Variants in SCHIP1 observed in about 807,000 individuals in gnomAD.
The protein encoded by SCHIP1 is schwannomin interacting protein 1.
In SCHIP1, 8 loss-of-function variants were observed where a neutral mutation model predicts 29.7. The observed-to-expected ratio is 0.27, with a 90% CI of 0.16 to 0.49. SCHIP1 has a LOEUF of 0.49. Among genes scored for constraint, SCHIP1 ranks in the 20% least tolerant of loss-of-function variants. The pLI, the probability that SCHIP1 is intolerant of heterozygous loss-of-function variation, is 0.99. For synonymous variants in SCHIP1, 76 were observed against 94.9 expected, an observed-to-expected ratio of 0.80 and a Z score of 1.16; for missense variants, 193 against 294.6, an observed-to-expected ratio of 0.66 and a Z score of 2.52.
chr3:159,813,952 A>G, the SCHIP1 span, among the ~76,000 whole-genome samples: 1 of 152,168 alleles, frequency 6.6e-6, no homozygotes, highest in African/African-American at 2.4e-5. Context: ...TCCAGACCTG[A>G]GAGTTGAGTG....
the SCHIP1 span, among the ~76,000 whole-genome samples, chr3:159,339,662 G>A: frequency 6.6e-6 from 1 of 152,092 alleles, no homozygotes; most frequent in Non-Finnish European, 1.5e-5. Flanking sequence ...TTAAGTCCAT[G>A]GTATTCAAAA....
chr3:159,521,548 G>A, the SCHIP1 span, among the ~76,000 whole-genome samples: 2 of 152,334 alleles, frequency 1.3e-5, no homozygotes, highest in Middle Eastern at 3.4e-3. Context: ...GTGATCATAT[G>A]TTTCACCCAG....
At chr3:159,474,804 C>T in the SCHIP1 span, among the ~76,000 whole-genome samples, 1 of 152,112 alleles carries the variant, frequency 6.6e-6, no homozygotes, top group East Asian at 1.9e-4. Context: ...TAGTCAGAGA[C>T]CTCCAGTGCA....
chr3:159,654,865 A>G, the SCHIP1 span, among the ~76,000 whole-genome samples: 1 of 151,962 alleles, frequency 6.6e-6, no homozygotes, highest in Non-Finnish European at 1.5e-5. Flanking sequence ...ACACATTCAA[A>G]GTGACATACT....
At chr3:159,824,704 A>G in the SCHIP1 span, among the ~76,000 whole-genome samples, 1 of 152,234 alleles carries the variant, frequency 6.6e-6, no homozygotes, top group Non-Finnish European at 1.5e-5. Flanking sequence ...GTAATATAAA[A>G]CAGCAAATAT....
chr3:159,592,899 G>A, the SCHIP1 span, among the ~76,000 whole-genome samples: 2 of 152,124 alleles, frequency 1.3e-5, no homozygotes, highest in African/African-American at 2.4e-5. Flanking sequence ...CAGAGTGGAA[G>A]ATCTTGCCTA....
chr3:159,540,336 T>G, the SCHIP1 span, among the ~76,000 whole-genome samples: 1 of 152,068 alleles, frequency 6.6e-6, no homozygotes, highest in Admixed American at 6.6e-5. Flanking sequence ...GGCTATTTAG[T>G]GCACTTCTCC....
At chr3:159,713,224 GAAAGAAAGGAAGAAAGAAAGAA>G in the SCHIP1 span, among the ~76,000 whole-genome samples, 6 of 121,558 alleles carry the variant, frequency 4.9e-5, no homozygotes, top group African/African-American at 1.7e-4. Context: ...GAGAGAGAGA[GAAAGAAAGGAAGAAAGAAAGAA>G]AGAAAGAAAG....
chr3:159,732,199 C>G, the SCHIP1 span, among the ~76,000 whole-genome samples: 1 of 152,214 alleles, frequency 6.6e-6, no homozygotes, highest in Non-Finnish European at 1.5e-5. Flanking sequence ...TGTGAATTGT[C>G]AGGCTCCAAA....
the SCHIP1 span, among the ~76,000 whole-genome samples, chr3:159,350,417 G>A: frequency 6.6e-6 from 1 of 152,094 alleles, no homozygotes; most frequent in Non-Finnish European, 1.5e-5. Flanking sequence ...GGTTTGTGTT[G>A]TAAATATGCT....
chr3:159,560,337 G>C, the SCHIP1 span, among the ~76,000 whole-genome samples: 1 of 152,166 alleles, frequency 6.6e-6, no homozygotes, highest in East Asian at 1.9e-4. Context: ...TTGTGCTCAG[G>C]AATGGTACCT....
At chr3:159,512,285 C>A in the SCHIP1 span, among the ~76,000 whole-genome samples, 1 of 152,156 alleles carries the variant, frequency 6.6e-6, no homozygotes, top group Admixed American at 6.5e-5. Context: ...GAATTGAAAA[C>A]CTCAATGAGA....
At chr3:159,396,701 G>A in the SCHIP1 span, among the ~76,000 whole-genome samples, 4 of 152,182 alleles carry the variant, frequency 2.6e-5, no homozygotes, top group Admixed American at 1.3e-4. Context: ...CTGTTAGTCT[G>A]ATGGGCTTCC....
the SCHIP1 span, among the ~76,000 whole-genome samples, chr3:159,492,675 C>T: frequency 1.3e-5 from 2 of 152,214 alleles, no homozygotes; most frequent in African/African-American, 4.8e-5. Flanking sequence ...GGAAAACACT[C>T]TGCAGGATAT....
At chr3:159,459,098 T>C in the SCHIP1 span, among the ~76,000 whole-genome samples, 4 of 152,192 alleles carry the variant, frequency 2.6e-5, no homozygotes, top group African/African-American at 9.6e-5. Flanking sequence ...CTCTTCTCTC[T>C]TTTTGATTAT....
At chr3:159,692,130 G>A in the SCHIP1 span, among the ~76,000 whole-genome samples, 7 of 144,108 alleles carry the variant, frequency 4.9e-5, no homozygotes, top group African/African-American at 1.6e-4. Flanking sequence ...CCGGTAACCC[G>A]ACCTTTCTCT....
chr3:159,458,141 A>G, the SCHIP1 span, among the ~76,000 whole-genome samples: 346 of 152,350 alleles, frequency 2.3e-3, 2 homozygotes, highest in South Asian at 0.017. Context: ...AACTTTAAAC[A>G]TAATTGTAAT....
the SCHIP1 span, among the ~76,000 whole-genome samples, chr3:159,515,054 T>C: frequency 6.2e-4 from 95 of 152,252 alleles, no homozygotes; most frequent in African/African-American, 2.0e-3. Flanking sequence ...ATCAAGAAAA[T>C]GATCACATCT....
the SCHIP1 span, among the ~76,000 whole-genome samples, chr3:159,281,825 T>C: frequency 6.6e-6 from 1 of 152,294 alleles, no homozygotes; most frequent in South Asian, 2.1e-4. Flanking sequence ...ATATGAAATG[T>C]TAAAAAATAT....
Sources: allele counts gnomAD v4.1 joint callset (sites outside exome capture counted in the v4.1 genomes callset), GRCh38; gene constraint gnomAD v4.1.1; transcripts MANE v1.5; gene names NCBI Gene and HGNC (gene_info 2026-07-23, HGNC 2026-07-21).